Variants in ANKHD1 observed in about 807,000 individuals in gnomAD.
ANKHD1 encodes ankyrin repeat and KH domain-containing protein 1.
Under a neutral mutation model 230.5 loss-of-function variants are expected in ANKHD1, and 31 were observed. That is an observed-to-expected ratio of 0.13 (90% CI 0.10 to 0.18). The LOEUF is 0.18. Among genes scored for constraint, ANKHD1 ranks in the 10% least tolerant of loss-of-function variants. The pLI is 1.00. For synonymous variants in ANKHD1, 1,074 were observed against 1,117.6 expected, an observed-to-expected ratio of 0.96 and a Z score of 0.78; for missense variants, 2,256 against 3,071.3, an observed-to-expected ratio of 0.73 and a Z score of 6.27.
chr5:140,464,865 T>A (rs917173322), intron 10 of ANKHD1, 89 bp downstream of exon 10: 7 of 1,309,184 alleles, frequency 5.3e-6, no homozygotes, highest in African/African-American at 3.0e-5. Flanking sequence ...ATCAATGGTT[T>A]GCGTACTTTG....
At chr5:140,483,548 C>T (rs1184792357) in intron 11 of ANKHD1, among the ~76,000 whole-genome samples, 1 of 150,388 alleles carries the variant, frequency 6.6e-6, no homozygotes, top group African/African-American at 2.4e-5. Flanking sequence ...ACCTCCGCCT[C>T]CCGGGTTCAA....
At chr5:140,459,005 T>TGC (rs1460378353) in intron 8 of ANKHD1, 143 bp downstream of exon 8, 40 of 78,940 alleles carry the variant, frequency 5.1e-4, no homozygotes, top group African/African-American at 2.3e-3. Context: ...TGCATATATA[T>TGC]ATATATATAT....
At chr5:140,423,398 G>C (rs1488577078) in intron 1 of ANKHD1, among the ~76,000 whole-genome samples, 1 of 152,128 alleles carries the variant, frequency 6.6e-6, no homozygotes, top group East Asian at 1.9e-4. Flanking sequence ...ATTGATATTT[G>C]AGTGTCTTGC....
At chr5:140,408,355 CCTAT>C in intron 1 of ANKHD1, among the ~76,000 whole-genome samples, 1 of 152,096 alleles carries the variant, frequency 6.6e-6, no homozygotes, top group East Asian at 1.9e-4. Context: ...ATTTTCTAGG[CCTAT>C]CTTTCTATGT....
At chr5:140,488,099 G>A (rs1751587146) in intron 14 of ANKHD1, among the ~76,000 whole-genome samples, 1 of 152,122 alleles carries the variant, frequency 6.6e-6, no homozygotes, top group South Asian at 2.1e-4. Context: ...TTTTCCTGCT[G>A]TTTTTAATCT....
At chr5:140,447,609 C>T (rs1004435952) in intron 6 of ANKHD1, among the ~76,000 whole-genome samples, 8 of 152,268 alleles carry the variant, frequency 5.3e-5, no homozygotes, top group East Asian at 3.9e-4. Context: ...TCTAAATTAA[C>T]GATTTGAGCA....
In ANKHD1 at chr5:140,402,217, C is replaced by T; in HGVS notation, c.250C>T (p.Leu84=). 6.6e-7 allele frequency: 1 copy of T among 1,523,824 alleles called. No homozygotes were observed. The highest frequency in any genetic ancestry group is 2.0e-5 in the Admixed American group (1 of 48,782). The allele number at this position is 1,523,824 out of a possible 1,614,324, so 94.4% of individuals were successfully genotyped here. The change falls in exon 1 of 34, where the codon CTG becomes TTG. Residue 84 remains leucine (L), a synonymous_variant. Coordinates refer to ENST00000360839, the MANE Select transcript of ANKHD1 (RefSeq NM_017747.3). ...GGATTTCAAGTTGGCGGCTGCCGTG[C>T]TGAGGACCGGGGGTGGAGGTGGTGC... is the stretch of plus-strand genomic sequence containing the variant. ...ALDFKLAAAV[L]RTGGGGGASG...
intron 22 of ANKHD1, 90 bp from the exon 23 acceptor site, chr5:140,512,738 G>A (rs1752824875): frequency 8.1e-7 from 1 of 1,230,658 alleles, no homozygotes; most frequent in South Asian, 1.5e-5. Context: ...GGATTCCTTT[G>A]TAATTCTGTT....
At position 140,529,294 on chromosome 5, in the gene ANKHD1, T is replaced by A. The variant is rs777317172; in HGVS notation, c.6348T>A (p.Asp2116Glu). The change falls in exon 29 of 34, where the codon GAT (aspartate) becomes GAA (glutamate). Residue 2116 changes from aspartate to glutamate, a missense_variant. Physicochemically the swap from Asp to Glu is conservative, Grantham distance 45. This residue lies in a region of ANKHD1 where 778 missense variants were observed against 966.5 expected (regional missense o/e 0.80). Transcript: ENST00000360839. ...TLTSPRMVAA[D>E]NQDTSNLPQL... is the part of the protein sequence containing the mutation. The stretch of plus-strand genomic sequence containing the variant: ...CATCACCCAGAATGGTTGCTGCTGA[T>A]AATCAGGACACCAGTAATTTACCTC... 6.2e-7 allele frequency: 1 copy of A among 1,614,242 alleles called. No homozygotes were observed. Among genetic ancestry groups the A allele is most frequent in the South Asian group, 1.1e-5 (1 of 91,082 alleles).
chr5:140,472,548 A>G (rs1048049898), intron 10 of ANKHD1: 7 of 952,800 alleles, frequency 7.3e-6, no homozygotes, highest in Non-Finnish European at 9.5e-6. Flanking sequence ...AGATTTTCTT[A>G]TTCAGGTAGT....
intron 14 of ANKHD1, among the ~76,000 whole-genome samples, chr5:140,490,367 C>A (rs1259108214): frequency 1.3e-5 from 2 of 152,138 alleles, no homozygotes; most frequent in African/African-American, 4.8e-5. Flanking sequence ...ATGTTCTACT[C>A]AGATATTCTT....
At chr5:140,420,149 T>G (rs1446577091) in intron 1 of ANKHD1, among the ~76,000 whole-genome samples, 1 of 150,462 alleles carries the variant, frequency 6.6e-6, no homozygotes, top group African/African-American at 2.5e-5. Context: ...CACACCACCA[T>G]GCCCAGCTAA....
chr5:140,412,494 T>G (rs1771019758), intron 1 of ANKHD1, among the ~76,000 whole-genome samples: 1 of 152,176 alleles, frequency 6.6e-6, no homozygotes, highest in African/African-American at 2.4e-5. Context: ...ATTACTGTCA[T>G]GTAGATCAGC....
intron 1 of ANKHD1, among the ~76,000 whole-genome samples, chr5:140,426,434 G>A (rs1038670605): frequency 6.6e-6 from 1 of 152,186 alleles, no homozygotes; most frequent in Non-Finnish European, 1.5e-5. Flanking sequence ...CCAGCTGGGA[G>A]CTTTATTTTT....
intron 33 of ANKHD1, 77 bp from the exon 34 acceptor site, chr5:140,539,282 A>T: frequency 1.2e-6 from 2 of 1,600,376 alleles, no homozygotes; most frequent in Non-Finnish European, 8.5e-7. Flanking sequence ...GTGAATTGCC[A>T]TTGCATTTAT....
rs869187613 is a variant in ANKHD1 at position 140,419,794 on chromosome 5, CT to C, written c.307-16307del. Among the ~76,000 whole-genome samples the C allele has an allele frequency of 5.1e-5, 7 of 137,032 alleles. 1 individual carries two copies. In the East Asian group the frequency reaches 1.5e-3, roughly 29 times the overall value. 89.9% of individuals were successfully genotyped at this position (137,032 alleles called of 152,430 possible). ...TTTCTTTTTCTTTCTTTCTTTCTTTCTTTCTTTCTTTCTTTCTTTCTTTCTT... is the reference window on the plus strand; with the variant it reads ...TTTCTTTTTCTTTCTTTCTTTCTTTCTTCTTTCTTTCTTTCTTTCTTTCTT... On this transcript the variant is annotated intron_variant, in intron 1 of 33. Transcript: ENST00000360839.
intron 29 of ANKHD1, among the ~76,000 whole-genome samples, chr5:140,533,129 A>G (rs993870898): frequency 6.6e-6 from 1 of 151,854 alleles, no homozygotes; most frequent in African/African-American, 2.4e-5. Context: ...GATCTTTACA[A>G]AAGACTGACA....
chr5:140,509,996 C>T lies in ANKHD1; in HGVS notation c.3942-23C>T. ...CCAGCCTCTTCTTACAGGAAACAAA[C>T]TATTAATATGCCTTGTTTACAGGGG... On this transcript the variant is annotated intron_variant, in intron 21 of 33. Coordinates refer to ENST00000360839, the MANE Select transcript of ANKHD1 (RefSeq NM_017747.3). 4 of 1,587,048 alleles carry T rather than the reference C, an allele frequency of 2.5e-6. No homozygotes were observed. In the South Asian group the frequency reaches 3.4e-5, roughly 14 times the overall value.
intron 6 of ANKHD1, among the ~76,000 whole-genome samples, chr5:140,448,644 A>G (rs906362844): frequency 5.3e-5 from 8 of 152,164 alleles, no homozygotes; most frequent in South Asian, 2.1e-4. Flanking sequence ...AAGGTTTAAT[A>G]TTGTTTTCAT....
Sources: gnomAD v4.1 joint callset for allele counts (sites outside exome capture counted in the v4.1 genomes callset) on GRCh38, gnomAD v4.1.1 for gene constraint, gnomAD v4.1.1 regional missense constraint, MANE v1.5 for transcripts, NCBI Gene and HGNC (gene_info 2026-07-23, HGNC 2026-07-21) for gene names.